Variants in HSPA4 observed in about 807,000 individuals in gnomAD.
The protein encoded by HSPA4 is heat shock 70 kDa protein 4.
A neutral mutation model predicts 106.2 loss-of-function variants in HSPA4; 25 were observed. That is an observed-to-expected ratio of 0.24 (90% CI 0.17 to 0.33). HSPA4 has a LOEUF of 0.33. HSPA4 is among the 10% of genes least tolerant of loss of function. The pLI is 1.00. For synonymous variants in HSPA4, 332 were observed against 333.6 expected, an observed-to-expected ratio of 1.00 and a Z score of 0.05; for missense variants, 841 against 996.0, an observed-to-expected ratio of 0.84 and a Z score of 2.10.
chr5:133,096,062 ATATGTG>A, intron 13 of HSPA4, 30 bp from the exon 14 acceptor site: 1 of 1,592,308 alleles, frequency 6.3e-7, no homozygotes, highest in Non-Finnish European at 8.6e-7. Context: ...GGTAGTCTGT[ATATGTG>A]TTTGTTCTTA....
intron 8 of HSPA4, among the ~76,000 whole-genome samples, chr5:133,088,142 C>T (rs1349979739): frequency 6.6e-6 from 1 of 152,126 alleles, no homozygotes; most frequent in African/African-American, 2.4e-5. Flanking sequence ...AGGACCTGTA[C>T]ACTGCAGTAC....
chr5:133,054,541 T>C (rs1765134889), intron 1 of HSPA4, among the ~76,000 whole-genome samples: 1 of 152,196 alleles, frequency 6.6e-6, no homozygotes, highest in Non-Finnish European at 1.5e-5. Context: ...CTATACAATT[T>C]AACCAGATGA....
rs746633947 is a variant in HSPA4, at chr5:133,076,890, T to C, written c.900T>C (p.Thr300=). ...TGAATGATGTTGATGTATCTGGAACTATGAATAGGTAAGTATATTACTATT... is the reference window on the plus strand; with the variant it reads ...TGAATGATGTTGATGTATCTGGAACCATGAATAGGTAAGTATATTACTATT... ...CFMNDVDVSG[T]MNRGKFLEMC... Residue 300 remains threonine, a synonymous_variant, in exon 7 of 19, where the codon ACT becomes ACC. Coordinates refer to ENST00000304858, the MANE Select transcript of HSPA4 (RefSeq NM_002154.4). 1 of 1,608,622 alleles carries C rather than the reference T, an allele frequency of 6.2e-7. No homozygotes were observed. The highest frequency in any genetic ancestry group is 8.5e-7 in the Non-Finnish European group (1 of 1,175,340).
At chr5:133,088,350 ATGTTAT>A in intron 8 of HSPA4, 48 bp from the exon 9 acceptor site, 2 of 1,267,182 alleles carry the variant, frequency 1.6e-6, no homozygotes, top group South Asian at 1.3e-5. Flanking sequence ...TCATGGTAAG[ATGTTAT>A]TGTTCTTTCA....
intron 4 of HSPA4, among the ~76,000 whole-genome samples, chr5:133,072,392 G>GTTTTTTT (rs748459297): frequency 0.01 from 783 of 75,700 alleles, 59 homozygotes; most frequent in Non-Finnish European, 0.013. Flanking sequence ...GTCCAGGGTT[G>GTTTTTTT]TTTTTTTTTT....
chr5:133,052,384 G>C lies in HSPA4; in HGVS notation c.107+27G>C, dbSNP rs373188431. 7.2e-6 allele frequency: 10 copies of C among 1,397,354 alleles called. No individual in the cohort carries two copies. The African/African-American group carries it at 1.1e-4, about 16-fold the overall frequency. The allele number at this position is 1,397,354 out of a possible 1,614,324, so 86.6% of individuals were successfully genotyped here. A position where few individuals can be genotyped will look rare whatever the true frequency, so the allele number is the denominator to read the frequency against. On this transcript the variant is annotated intron_variant, in intron 1 of 18. Transcript: ENST00000304858. ...TAAGTGTGGGCCGGGCCTGCCGCGTGCACTGGGGTTAGGAGATAATGCTTG... is the reference window on the plus strand; with the variant it reads ...TAAGTGTGGGCCGGGCCTGCCGCGTCCACTGGGGTTAGGAGATAATGCTTG...
chr5:133,092,806 G>GTTGT lies in HSPA4; in HGVS notation c.1650+19_1650+20insGTTT, dbSNP rs1765662550. On this transcript the variant is annotated intron_variant, in intron 13 of 18. Coordinates refer to ENST00000304858, the MANE Select transcript of HSPA4 (RefSeq NM_002154.4). The stretch of plus-strand genomic sequence containing the variant: ...GAAATGGAGGTATGCATTGGGTGGT[G>GTTGT]TTTTTTTTTTTTTTTTTTTTTTTTT... 1 of 400,970 alleles carries GTTGT rather than the reference G, an allele frequency of 2.5e-6. No individual in the cohort carries two copies. Among genetic ancestry groups the GTTGT allele is most frequent in the African/African-American group, 3.8e-5 (1 of 26,534 alleles). The allele number at this position is 400,970 out of a possible 1,614,324, so 24.8% of individuals were successfully genotyped here.
rs1047164711 is a variant in HSPA4 at position 133,103,982 on chromosome 5, A to G, written c.2275A>G (p.Met759Val). Residue 759 changes from methionine to valine, a missense_variant, in exon 18 of 19, where the codon ATG (methionine) becomes GTG (valine). Around this residue, in one of 5 missense-constraint regions of HSPA4, gnomAD observed 328 missense variants for 372.2 expected, o/e 0.88. Coordinates refer to ENST00000304858, the MANE Select transcript of HSPA4 (RefSeq NM_002154.4). ...LNLQNKQSLT[M>V]DPVVKSKEIE... Reference sequence around the variant, plus strand: ...TCTGCAGAACAAGCAGAGTTTGACCATGGATCCAGTTGTCAAGTCAAAAGA... The same window carrying G: ...TCTGCAGAACAAGCAGAGTTTGACCGTGGATCCAGTTGTCAAGTCAAAAGA... 3.1e-6 allele frequency: 5 copies of G among 1,613,654 alleles called. No homozygotes were observed. The highest frequency in any genetic ancestry group is 2.5e-6 in the Non-Finnish European group (3 of 1,179,832).
Position 133,090,521 on chromosome 5 carries a change from G to A in HSPA4, c.1379-672G>A, listed in dbSNP as rs193208685. Among the ~76,000 whole-genome samples the A allele has an allele frequency of 4.6e-4, 69 of 150,924 alleles. 1 individual carries two copies. Among genetic ancestry groups the A allele is most frequent in the Middle Eastern group, 3.5e-3 (1 of 284 alleles). On this transcript the variant is annotated intron_variant, in intron 11 of 18. Coordinates refer to ENST00000304858, the MANE Select transcript of HSPA4 (RefSeq NM_002154.4). ...TCAAAACATACTAGGTTTCAGAACC[G>A]TGTTATCTAGAGTAGTTATAGACTC...
At chr5:133,100,556 T>C (rs537183328) in intron 16 of HSPA4, among the ~76,000 whole-genome samples, 1 of 152,092 alleles carries the variant, frequency 6.6e-6, no homozygotes, top group African/African-American at 2.4e-5. Flanking sequence ...TCCCAGCACT[T>C]TGGGAGGCCT....
intron 4 of HSPA4, 62 bp downstream of exon 4, chr5:133,070,558 C>T (rs1236344308): frequency 6.4e-7 from 1 of 1,574,492 alleles, no homozygotes; most frequent in Non-Finnish European, 8.7e-7. Context: ...AAGAAAGCTG[C>T]TAATTTCAAG....
In HSPA4 at chr5:133,070,494, T is replaced by G; in HGVS notation, c.427T>G (p.Ser143Ala). The G allele has an allele frequency of 6.2e-7, 1 of 1,613,832 alleles. No individual in the cohort carries two copies. The highest frequency in any genetic ancestry group is 8.5e-7 in the Non-Finnish European group (1 of 1,179,822). The change falls in exon 4 of 19, where the codon TCG (serine) becomes GCG (alanine). Residue 143 changes from serine (S) to alanine (A), a missense_variant and splice_region_variant. Coordinates refer to ENST00000304858, the MANE Select transcript of HSPA4 (RefSeq NM_002154.4). ...GAAGCCTGTAGTTGACTGTGTTGTTTCGGTGAGTTTGATCCCTATACATTA... is the reference window on the plus strand; with the variant it reads ...GAAGCCTGTAGTTGACTGTGTTGTTGCGGTGAGTTTGATCCCTATACATTA... The part of the protein sequence containing the change: ...LKKPVVDCVV[S>A]VPCFYTDAER...
chr5:133,096,102 C>G lies in HSPA4; in HGVS notation c.1655C>G (p.Ser552Cys). The change falls in exon 14 of 19, where the codon TCT (serine) becomes TGT (cysteine). Residue 552 changes from serine to cysteine, a missense_variant. Coordinates refer to ENST00000304858, the MANE Select transcript of HSPA4 (RefSeq NM_002154.4). ...TAATGATTTCTATTGTTTTAGACCT[C>G]TCAAGCTGGATCCAAGGATAAAAAG... The part of the protein sequence containing the change: ...NKAESEEMET[S>C]QAGSKDKKMD... 5 of 1,613,502 alleles carry G rather than the reference C, an allele frequency of 3.1e-6. No homozygotes were observed. Among genetic ancestry groups the G allele is most frequent in the Non-Finnish European group, 4.2e-6 (5 of 1,179,648 alleles).
At chr5:133,083,680 G>A (rs189073529) in intron 7 of HSPA4, among the ~76,000 whole-genome samples, 2 of 152,130 alleles carry the variant, frequency 1.3e-5, no homozygotes, top group Admixed American at 6.5e-5. Context: ...TGGGGTTACA[G>A]GCATGCACCA....
At chr5:133,084,697 C>T (rs111456018) in intron 7 of HSPA4, among the ~76,000 whole-genome samples, 3,451 of 152,000 alleles carry the variant, frequency 0.023, 132 homozygotes, top group African/African-American at 0.075. Flanking sequence ...CTCAAACTCC[C>T]GACTTGAGGT....
At position 133,073,977 on chromosome 5, in the gene HSPA4, G is replaced by GT; in HGVS notation, c.530-10dup. 2.0e-6 allele frequency: 3 copies of GT among 1,535,030 alleles called. No homozygotes were observed. Among genetic ancestry groups the GT allele is most frequent in the East Asian group, 2.3e-5 (1 of 42,994 alleles). Reference sequence around the variant, plus strand: ...CTTAGACGTTATTTTTAATTTTTGTGTTTTTTCTTCTGTAGTTGCTCTTGC... The same window carrying GT: ...CTTAGACGTTATTTTTAATTTTTGTGTTTTTTTCTTCTGTAGTTGCTCTTGC... On this transcript the variant is annotated splice_polypyrimidine_tract_variant and intron_variant, in intron 5 of 18. Transcript: ENST00000304858.
chr5:133,089,787 G>T, intron 11 of HSPA4, 92 bp downstream of exon 11: 1 of 1,033,102 alleles, frequency 9.7e-7, no homozygotes, highest in African/African-American at 1.6e-5. Context: ...GCTAAGGTGG[G>T]AGGATCACTT....
chr5:133,092,764 A>G lies in HSPA4; in HGVS notation c.1625A>G (p.Asn542Ser), dbSNP rs763949636. The G allele has an allele frequency of 2.5e-6, 4 of 1,611,514 alleles. No homozygotes were observed. Among genetic ancestry groups the G allele is most frequent in the Non-Finnish European group, 2.5e-6 (3 of 1,178,146 alleles). The change falls in exon 13 of 19, where the codon AAT (asparagine) becomes AGT (serine). Residue 542 changes from asparagine to serine, a missense_variant. Physicochemically the swap from Asn to Ser is conservative, Grantham distance 46. Transcript: ENST00000304858. ...CAACAGCAGCAGACACCAGCAGAAA[A>G]TAAGGCAGAGTCTGAAGAAATGGAG... Reference protein sequence around the residue: ...EEQQQQTPAENKAESEEMETS... With the variant: ...EEQQQQTPAESKAESEEMETS...
chr5:133,088,649 G>GT, intron 9 of HSPA4, 94 bp downstream of exon 9: 1 of 1,063,388 alleles, frequency 9.4e-7, no homozygotes, highest in South Asian at 1.4e-5. Flanking sequence ...TTAGCTCAGG[G>GT]TGACTTCAGG....
Sources: allele counts gnomAD v4.1 joint callset (sites outside exome capture counted in the v4.1 genomes callset), GRCh38; gene constraint gnomAD v4.1.1; regional missense constraint gnomAD v4.1.1; transcripts MANE v1.5; gene names NCBI Gene and HGNC (gene_info 2026-07-23, HGNC 2026-07-21).